Variants in OR12D2 observed in about 807,000 individuals in gnomAD.
The protein encoded by OR12D2 is olfactory receptor family 12 subfamily D member 2.
For missense variants in OR12D2, 345 were observed against 371.6 expected, an observed-to-expected ratio of 0.93 and a Z score of 0.59; for synonymous variants, 146 against 142.3, an observed-to-expected ratio of 1.03 and a Z score of -0.19.
rs762410587 is a variant in OR12D2 at position 29,397,059 on chromosome 6, C to G, written c.360C>G (p.Leu120=). The stretch of plus-strand genomic sequence containing the variant: ...TGTTCGCCGTGATGGCATTTGACCT[C>G]TCTGTGGCTATCTGCAAGCCACTTC... ...SMLFAVMAFD[L]SVAICKPLRY... is the part of the protein sequence containing the mutation. Residue 120 remains leucine, a synonymous_variant, in exon 2 of 2, where the codon CTC becomes CTG. Coordinates refer to ENST00000642051, the MANE Select transcript of OR12D2 (RefSeq NM_013936.4). 6.2e-7 allele frequency: 1 copy of G among 1,613,184 alleles called. No homozygotes were observed. Among genetic ancestry groups the G allele is most frequent in the Admixed American group, 1.7e-5 (1 of 60,012 alleles).
intron 1 of OR12D2, 98 bp from the exon 2 acceptor site, chr6:29,396,600 C>A (rs1780533986): frequency 1.1e-6 from 1 of 947,982 alleles, no homozygotes; most frequent in Non-Finnish European, 1.6e-6. Flanking sequence ...CAACAGTACT[C>A]TCCTTCCAAG....
chr6:29,396,130 T>TTTTAAGTCAAAAAATTTCAGGAGC (rs1780503732), intron 1 of OR12D2, among the ~76,000 whole-genome samples: 1 of 35,490 alleles, frequency 2.8e-5, no homozygotes. Flanking sequence ...TATCTTCCTC[T>TTTTAAGTCAAAAAATTTCAGGAGC]CTTTTTTTTT....
Position 29,396,724 on chromosome 6 carries a change from G to A in OR12D2, c.25G>A (p.Glu9Lys), listed in dbSNP as rs1458564754. The A allele has an allele frequency of 1.9e-6, 3 of 1,611,750 alleles. No homozygotes were observed. The Admixed American group carries it at 5.0e-5, about 27-fold the overall frequency. Residue 9 changes from glutamate to lysine, a missense_variant, in exon 2 of 2, where the codon GAA becomes AAA. Physicochemically the swap from Glu to Lys is moderately conservative, Grantham distance 56. Transcript: ENST00000642051. MLNTTSVT[E>K]FLLLGVTDIQ... ...GATGCTGAATACAACCTCAGTCACC[G>A]AATTTCTCCTCTTGGGAGTGACAGA... is the stretch of plus-strand genomic sequence containing the variant.
At position 29,396,967 on chromosome 6, in the gene OR12D2, A is replaced by G. The variant is rs1780568383; in HGVS notation, c.268A>G (p.Ile90Val). The change falls in exon 2 of 2, where the codon ATT becomes GTT. Residue 90 changes from isoleucine (I) to valine (V), a missense_variant. By Grantham distance (29) the Ile-to-Val change is conservative. Coordinates refer to ENST00000642051, the MANE Select transcript of OR12D2 (RefSeq NM_013936.4). ...LQNFLSTHKA[I>V]SFLGCISQLH... ...GAACTTTCTCTCTACACACAAAGCA[A>G]TTTCTTTCTTGGGATGCATAAGCCA... 2 of 1,612,962 alleles carry G rather than the reference A, an allele frequency of 1.2e-6. No individual in the cohort carries two copies. Among genetic ancestry groups the G allele is most frequent in the Non-Finnish European group, 1.7e-6 (2 of 1,180,008 alleles).
intron 1 of OR12D2, among the ~76,000 whole-genome samples, chr6:29,396,126 C>T (rs1780503114): frequency 2.6e-5 from 1 of 37,774 alleles, no homozygotes; most frequent in Non-Finnish European, 7.1e-5. Context: ...TTTTTATCTT[C>T]CTCTCTTTTT....
intron 1 of OR12D2, among the ~76,000 whole-genome samples, chr6:29,396,029 A>G (rs1780497326): frequency 6.6e-6 from 1 of 152,208 alleles, no homozygotes; most frequent in South Asian, 2.1e-4. Context: ...AGCCTCATCT[A>G]CGTTCTAAGA....
Position 29,397,048 on chromosome 6 carries a change from G to A in OR12D2, c.349G>A (p.Ala117Thr), listed in dbSNP as rs776544199. Residue 117 changes from alanine to threonine, a missense_variant, in exon 2 of 2, where the codon GCA (alanine) becomes ACA (threonine). Physicochemically the swap from Ala to Thr is moderately conservative, Grantham distance 58. Transcript: ENST00000642051. ...GGAGTCCATGTTGTTCGCCGTGATG[G>A]CATTTGACCTCTCTGTGGCTATCTG... ...STESMLFAVM[A>T]FDLSVAICKP... is the part of the protein sequence containing the mutation. 4 of 1,613,100 alleles carry A rather than the reference G, an allele frequency of 2.5e-6. No individual in the cohort carries two copies. Among genetic ancestry groups the A allele is most frequent in the Non-Finnish European group, 3.4e-6 (4 of 1,180,006 alleles).
Position 29,396,699 on chromosome 6 carries a change from G to A in OR12D2, c.-1G>A. ...GATTATTTTGTCTTTTGTCTGAAGT[G>A]ATGCTGAATACAACCTCAGTCACCG... is the stretch of plus-strand genomic sequence containing the variant. On this transcript the variant is annotated splice_region_variant and 5_prime_UTR_variant, in exon 2 of 2. An upstream start codon of the reference 5' UTR is lost. Transcript: ENST00000642051. The A allele has an allele frequency of 6.2e-7, 1 of 1,608,964 alleles. No homozygotes were observed. The highest frequency in any genetic ancestry group is 8.5e-7 in the Non-Finnish European group (1 of 1,178,310).
chr6:29,397,568 C>T lies in OR12D2; in HGVS notation c.869C>T (p.Thr290Ile), dbSNP rs1487111242. The T allele has an allele frequency of 1.9e-6, 3 of 1,612,970 alleles. No homozygotes were observed. The highest frequency in any genetic ancestry group is 2.2e-5 in the East Asian group (1 of 44,886). ...VTPVLNPLIY[T>I]LRNKEVKGAL... ...CCTGTACTAAACCCACTGATCTATA[C>T]TTTGAGGAACAAGGAAGTGAAGGGG... The change falls in exon 2 of 2, where the codon ACT becomes ATT. Residue 290 changes from threonine (T) to isoleucine (I), a missense_variant. Transcript: ENST00000642051.
In OR12D2 at chr6:29,397,657, A is replaced by C. The variant is rs147335861; in HGVS notation, c.*34A>C. 8.2e-3 allele frequency: 12,510 copies of C among 1,534,736 alleles called. 76 individuals are homozygous for C. Among genetic ancestry groups the C allele is most frequent in the Non-Finnish European group, 9.5e-3 (10,774 of 1,128,386 alleles). Reference sequence around the variant, plus strand: ...AACCAGAGAACTCTACTGAGGCATAAATAACCAGCAATGAAAAAGTAGAGA... The same window carrying C: ...AACCAGAGAACTCTACTGAGGCATACATAACCAGCAATGAAAAAGTAGAGA... On this transcript the variant is annotated 3_prime_UTR_variant, in exon 2 of 2. Coordinates refer to ENST00000642051, the MANE Select transcript of OR12D2 (RefSeq NM_013936.4).
chr6:29,396,735 C>T lies in OR12D2; in HGVS notation c.36C>T (p.Leu12=). 1.2e-6 allele frequency: 2 copies of T among 1,612,282 alleles called. No homozygotes were observed. Among genetic ancestry groups the T allele is most frequent in the Non-Finnish European group, 1.7e-6 (2 of 1,179,856 alleles). The change falls in exon 2 of 2, where the codon CTC becomes CTT. Residue 12 remains leucine, a synonymous_variant. Coordinates refer to ENST00000642051, the MANE Select transcript of OR12D2 (RefSeq NM_013936.4). ...LNTTSVTEFL[L]LGVTDIQELQ... ...CAACCTCAGTCACCGAATTTCTCCT[C>T]TTGGGAGTGACAGACATTCAAGAAC...
At position 29,397,520 on chromosome 6, in the gene OR12D2, C is replaced by T; in HGVS notation, c.821C>T (p.Ala274Val). Residue 274 changes from alanine (A) to valine (V), a missense_variant, in exon 2 of 2, where the codon GCC becomes GTC. Transcript: ENST00000642051. ...TTCATGGACCAGGACCGGATTGTTGCCATCATGTACACTGTGGTCACTCCT... is the reference window on the plus strand; with the variant it reads ...TTCATGGACCAGGACCGGATTGTTGTCATCATGTACACTGTGGTCACTCCT... The part of the protein sequence containing the change: ...ESFMDQDRIV[A>V]IMYTVVTPVL... 1.2e-6 allele frequency: 2 copies of T among 1,612,972 alleles called. No individual in the cohort carries two copies. Among genetic ancestry groups the T allele is most frequent in the Non-Finnish European group, 1.7e-6 (2 of 1,179,980 alleles).
At position 29,397,419 on chromosome 6, in the gene OR12D2, TG is replaced by T. The variant is rs527311789; in HGVS notation, c.721del (p.Ala241ProfsTer6). ...TGCTCTGTAAAGCACTGTCCACTTG[TG>T]CCTCCCACTTCATGGTAGTTATTCT... Reference protein sequence around the residue: ...SMLCKALSTCASHFMVVILFY... With the variant: ...SMLCKALSTCXSHFMVVILFY... On this transcript the variant is annotated frameshift_variant, in exon 2 of 2. Coordinates refer to ENST00000642051, the MANE Select transcript of OR12D2 (RefSeq NM_013936.4). LOFTEE classifies it low-confidence loss of function (END_TRUNC). 1,002 of 1,613,084 alleles carry T rather than the reference TG, an allele frequency of 6.2e-4. 3 individuals carry two copies. In the African/African-American group the frequency reaches 9.1e-3, roughly 15 times the overall value.
intron 1 of OR12D2, among the ~76,000 whole-genome samples, chr6:29,396,038 G>A (rs1400958237): frequency 1.3e-5 from 2 of 152,056 alleles, no homozygotes; most frequent in Non-Finnish European, 2.9e-5. Flanking sequence ...TACGTTCTAA[G>A]ATGAGAACAA....
chr6:29,395,835 C>T lies in OR12D2; in HGVS notation c.-3+20C>T, dbSNP rs1780485418. 6.6e-6 allele frequency: 1 copy of T among 152,098 alleles called. No homozygotes were observed. Among genetic ancestry groups the T allele is most frequent in the Non-Finnish European group, 1.5e-5 (1 of 68,014 alleles). The allele number at this position is 152,098 out of a possible 1,614,324, so 9.4% of individuals were successfully genotyped here. On this transcript the variant is annotated intron_variant, in intron 1 of 1. Coordinates refer to ENST00000642051, the MANE Select transcript of OR12D2 (RefSeq NM_013936.4). ...CATCAAGTAAGTAATTTGGGATTTA[C>T]TTTGAAAAAATTTAAAGGCTTAGGT...
Position 29,397,208 on chromosome 6 carries a change from AC to A in OR12D2, c.511del (p.Arg171ValfsTer13), listed in dbSNP as rs780950332. The A allele has an allele frequency of 6.2e-7, 1 of 1,612,982 alleles. No homozygotes were observed. The highest frequency in any genetic ancestry group is 1.1e-5 in the South Asian group (1 of 91,072). On this transcript the variant is annotated frameshift_variant, in exon 2 of 2. Transcript: ENST00000642051. LOFTEE classifies it low-confidence loss of function (END_TRUNC). ...MTSRLNFCGS[N>X]RIHHFLCDIK... ...TCTCGCTTGAACTTCTGTGGTTCCAACCGTATCCATCATTTTCTCTGTGATA... is the reference window on the plus strand; with the variant it reads ...TCTCGCTTGAACTTCTGTGGTTCCAACGTATCCATCATTTTCTCTGTGATA...
rs767949185 is a variant in OR12D2, at chr6:29,397,207, A to C, written c.508A>C (p.Asn170His). ...MTSRLNFCGS[N>H]RIHHFLCDIK... is the part of the protein sequence containing the mutation. ...TTCTCGCTTGAACTTCTGTGGTTCCAACCGTATCCATCATTTTCTCTGTGA... is the reference window on the plus strand; with the variant it reads ...TTCTCGCTTGAACTTCTGTGGTTCCCACCGTATCCATCATTTTCTCTGTGA... Residue 170 changes from asparagine to histidine, a missense_variant, in exon 2 of 2, where the codon AAC becomes CAC. Transcript: ENST00000642051. 1.5e-5 allele frequency: 24 copies of C among 1,613,072 alleles called. 1 individual carries two copies. The highest frequency in any genetic ancestry group is 6.7e-5 in the East Asian group (3 of 44,880).
rs1780478513 is a variant in OR12D2 at position 29,395,687 on chromosome 6, T to C, written c.-131T>C. 1 of 152,196 alleles carries C rather than the reference T, an allele frequency of 6.6e-6. No individual in the cohort carries two copies. Among genetic ancestry groups the C allele is most frequent in the African/African-American group, 2.4e-5 (1 of 41,460 alleles). The allele number at this position is 152,196 out of a possible 1,614,324, so 9.4% of individuals were successfully genotyped here. On this transcript the variant is annotated 5_prime_UTR_variant, in exon 1 of 2. Transcript: ENST00000642051. The stretch of plus-strand genomic sequence containing the variant: ...TAGATACTTTAGAAGAAGACACTAT[T>C]GGGTAAAATGAAGGAAGAATTGTTG...
Position 29,397,890 on chromosome 6 carries a change from T to G in OR12D2, c.*267T>G. 1 of 450,288 alleles carries G rather than the reference T, an allele frequency of 2.2e-6. No individual in the cohort carries two copies. Among genetic ancestry groups the G allele is most frequent in the African/African-American group, 2.0e-5 (1 of 50,610 alleles). 27.9% of individuals were successfully genotyped at this position (450,288 alleles called of 1,614,324 possible). A position where few individuals can be genotyped will look rare whatever the true frequency, so the allele number is the denominator to read the frequency against. ...GATGTAATTGACTTATTATGTATTC[T>G]AACATGTACTTGTATGCAATTGCAT... On this transcript the variant is annotated 3_prime_UTR_variant, in exon 2 of 2. Coordinates refer to ENST00000642051, the MANE Select transcript of OR12D2 (RefSeq NM_013936.4).
Sources: allele counts gnomAD v4.1 joint callset (sites outside exome capture counted in the v4.1 genomes callset), GRCh38; gene constraint gnomAD v4.1.1; transcripts MANE v1.5; gene names NCBI Gene and HGNC (gene_info 2026-07-23, HGNC 2026-07-21).